Variants in ZFHX3 observed in about 807,000 individuals in gnomAD.
ZFHX3 encodes the protein zinc finger homeobox 3, also known as zinc finger homeobox protein 3.
Under a neutral mutation model 279.1 loss-of-function variants are expected in ZFHX3, and 42 were observed. The ratio of observed to expected loss-of-function variants is 0.15; its 90% CI spans 0.12 to 0.19. The LOEUF (loss-of-function observed/expected upper bound fraction) is 0.19, where lower values mean the gene tolerates loss of function less well. ZFHX3 is among the 10% of genes least tolerant of loss of function. The probability of loss-of-function intolerance (pLI) is 1.00; values close to 1 mark genes in which losing one functional copy is unlikely to be tolerated. For missense variants in ZFHX3, 4,981 were observed against 4,754.0 expected, an observed-to-expected ratio of 1.05 and a Z score of -1.40; for synonymous variants, 2,293 against 1,957.8, an observed-to-expected ratio of 1.17 and a Z score of -4.52.
chr16:73,506,910 C>T (rs541386707), intron 2 of ZFHX3, among the ~76,000 whole-genome samples: 48 of 152,268 alleles, frequency 3.2e-4, no homozygotes, highest in Middle Eastern at 3.4e-3. Flanking sequence ...TATTTTGTGT[C>T]TAGAAATCCA....
chr16:73,066,875 C>G (rs1408269424), intron 8 of ZFHX3, among the ~76,000 whole-genome samples: 1 of 152,210 alleles, frequency 6.6e-6, no homozygotes, highest in Non-Finnish European at 1.5e-5. Context: ...CCTCCTCCCC[C>G]CAGCCCCGCG....
intron 1 of ZFHX3, among the ~76,000 whole-genome samples, chr16:73,034,885 C>G (rs994196415): frequency 1.3e-5 from 2 of 152,298 alleles, no homozygotes; most frequent in Non-Finnish European, 2.9e-5. Flanking sequence ...GTCGGGGGAG[C>G]CAGGCATTTC....
At chr16:73,039,280 C>G (rs1339750760) in intron 1 of ZFHX3, among the ~76,000 whole-genome samples, 1 of 151,978 alleles carries the variant, frequency 6.6e-6, no homozygotes, top group Non-Finnish European at 1.5e-5. Flanking sequence ...TTTTAAATGC[C>G]AAAAAGACCA....
intron 3 of ZFHX3, among the ~76,000 whole-genome samples, chr16:72,911,536 T>TCGGG (rs2039316853): frequency 6.6e-6 from 1 of 152,200 alleles, no homozygotes; most frequent in Admixed American, 6.5e-5. Context: ...AAACAACGTG[T>TCGGG]CGGGGAAGGT....
intron 1 of ZFHX3, among the ~76,000 whole-genome samples, chr16:72,968,460 C>CTT (rs56294114): frequency 8.1e-5 from 10 of 123,320 alleles, no homozygotes; most frequent in East Asian, 2.4e-4. Context: ...TGTTAATTTC[C>CTT]TTTTTTTTTT....
intron 4 of ZFHX3, among the ~76,000 whole-genome samples, chr16:72,858,982 G>C (rs1005473905): frequency 2.0e-5 from 3 of 152,220 alleles, no homozygotes; most frequent in African/African-American, 7.2e-5. Flanking sequence ...CAGATCCTGA[G>C]TTCCTCAAGC....
chr16:73,840,311 G>C (rs916031372), intron 1 of ZFHX3, among the ~76,000 whole-genome samples: 1 of 152,110 alleles, frequency 6.6e-6, no homozygotes, highest in Non-Finnish European at 1.5e-5. Flanking sequence ...CCTTTTCTCA[G>C]TCCCAAAAGC....
At chr16:73,426,364 A>C (rs1476449982) in intron 3 of ZFHX3, among the ~76,000 whole-genome samples, 1 of 152,246 alleles carries the variant, frequency 6.6e-6, no homozygotes, top group Non-Finnish European at 1.5e-5. Flanking sequence ...GAGAGAAAAA[A>C]GTAAAGGTCA....
intron 3 of ZFHX3, among the ~76,000 whole-genome samples, chr16:72,906,845 G>A (rs1378673263): frequency 6.6e-6 from 1 of 152,078 alleles, no homozygotes; most frequent in Non-Finnish European, 1.5e-5. Flanking sequence ...AATTTTCTTT[G>A]AGCAAAATGG....
chr16:73,881,451 ACACTCT>A (rs1445766068), intron 1 of ZFHX3, among the ~76,000 whole-genome samples: 5 of 79,826 alleles, frequency 6.3e-5, no homozygotes, highest in African/African-American at 6.0e-5. Flanking sequence ...ACACACACAC[ACACTCT>A]CTCTCTCTCT....
intron 3 of ZFHX3, among the ~76,000 whole-genome samples, chr16:73,322,275 A>G (rs1409223508): frequency 8.1e-6 from 1 of 122,738 alleles, no homozygotes; most frequent in African/African-American, 2.6e-5. Context: ...TTGAATCTTC[A>G]TGGCTTTTTT....
At chr16:73,460,352 G>C (rs1221624225) in intron 2 of ZFHX3, among the ~76,000 whole-genome samples, 1 of 152,038 alleles carries the variant, frequency 6.6e-6, no homozygotes, top group Non-Finnish European at 1.5e-5. Context: ...TCTACAGTTT[G>C]CTTAACCATC....
At position 73,229,474 on chromosome 16, in the gene ZFHX3, T is replaced by C. The variant is rs112864102; in HGVS notation, c.-1104+27573A>G. ...TATAGGAGAAAGTCAAACATTACAA[T>C]GTATAACTACATTATAGTTTTAGGG... On this transcript the variant is annotated intron_variant, in intron 5 of 17. Transcript: ENST00000641206. 3.3e-3 allele frequency among the ~76,000 whole-genome samples: 497 copies of C among 152,356 alleles called. 10 individuals carry two copies. The South Asian group carries it at 0.039, about 12-fold the overall frequency.
At chr16:73,632,512 C>A (rs1190441962) in intron 2 of ZFHX3, among the ~76,000 whole-genome samples, 1 of 151,406 alleles carries the variant, frequency 6.6e-6, no homozygotes, top group East Asian at 2.0e-4. Context: ...ATGGTGAAAC[C>A]CCATCTCTAC....
chr16:72,973,112 CA>C (rs764330498), intron 1 of ZFHX3, among the ~76,000 whole-genome samples: 6 of 152,164 alleles, frequency 3.9e-5, no homozygotes, highest in Non-Finnish European at 7.3e-5. Flanking sequence ...CTCATACTTT[CA>C]GAAGACCAGA....
chr16:73,397,690 G>A (rs1454504960), intron 3 of ZFHX3, among the ~76,000 whole-genome samples: 1 of 152,076 alleles, frequency 6.6e-6, no homozygotes, highest in Non-Finnish European at 1.5e-5. Flanking sequence ...GATGCGTTTG[G>A]AGAGAAAGTC....
intron 4 of ZFHX3, among the ~76,000 whole-genome samples, chr16:72,842,482 A>G (rs998374106): frequency 6.6e-6 from 1 of 152,224 alleles, no homozygotes; most frequent in Non-Finnish European, 1.5e-5. Flanking sequence ...TTGTAAGGCC[A>G]AGATTTTAGC....
intron 1 of ZFHX3, among the ~76,000 whole-genome samples, chr16:73,847,823 C>T (rs145594575): frequency 0.012 from 1,767 of 151,514 alleles, 41 homozygotes; most frequent in African/African-American, 0.042. Flanking sequence ...GTGCAACTTC[C>T]GCCTCCTGGG....
chr16:73,050,252 C>A (rs1965425479), upstream of ZFHX3, among the ~76,000 whole-genome samples: 1 of 152,224 alleles, frequency 6.6e-6, no homozygotes, highest in Non-Finnish European at 1.5e-5. Flanking sequence ...TGCAGCACTG[C>A]CTGGGCAGAA....
Sources: allele counts gnomAD v4.1 joint callset (sites outside exome capture counted in the v4.1 genomes callset), GRCh38; gene constraint gnomAD v4.1.1; transcripts MANE v1.5; gene names NCBI Gene and HGNC (gene_info 2026-07-23, HGNC 2026-07-21).